The following MBD5 variants were observed in gnomAD, a reference collection of about 807,000 sequenced individuals.
MBD5 encodes methyl-CpG-binding domain protein 5.
MBD5 carries 13 observed loss-of-function variants against 117.3 expected under a neutral mutation model. The ratio of observed to expected loss-of-function variants is 0.11; its 90% CI spans 0.07 to 0.18. MBD5 has a LOEUF of 0.18. MBD5 is among the 10% of genes least tolerant of loss of function. The pLI is 1.00. For missense variants in MBD5, 1,879 were observed against 2,093.8 expected, an observed-to-expected ratio of 0.90 and a Z score of 2.00; for synonymous variants, 727 against 766.4, an observed-to-expected ratio of 0.95 and a Z score of 0.85.
chr2:148,454,274 TA>T, intron 4 of MBD5, among the ~76,000 whole-genome samples: 1 of 152,258 alleles, frequency 6.6e-6, no homozygotes, highest in Non-Finnish European at 1.5e-5. Flanking sequence ...AATTTGGCAA[TA>T]TCTGTAGAGT....
At chr2:148,198,303 GAGTTCT>G (rs1345885395) in intron 2 of MBD5, among the ~76,000 whole-genome samples, 3 of 152,022 alleles carry the variant, frequency 2.0e-5, no homozygotes, top group African/African-American at 7.2e-5. Flanking sequence ...ACAACTACCT[GAGTTCT>G]AATGGTCCCA....
chr2:148,153,265 G>A (rs983206489), intron 1 of MBD5, among the ~76,000 whole-genome samples: 8 of 151,680 alleles, frequency 5.3e-5, no homozygotes, highest in African/African-American at 1.9e-4. Flanking sequence ...TTGAATATTG[G>A]CCCCCACTCT....
At chr2:148,096,480 G>A (rs10173542) in intron 1 of MBD5, among the ~76,000 whole-genome samples, 131,864 of 152,110 alleles carry the variant, frequency 0.87, 57,373 homozygotes, top group East Asian at 0.91. Flanking sequence ...CTCTCATTTT[G>A]AAAATAACAG....
intron 1 of MBD5, among the ~76,000 whole-genome samples, chr2:148,138,726 C>T (rs2105517164): frequency 6.6e-6 from 1 of 152,308 alleles, no homozygotes; most frequent in Admixed American, 6.5e-5. Context: ...TTTGACCTGA[C>T]ATTTGAATGG....
chr2:148,196,845 G>T (rs1699001305), intron 2 of MBD5, among the ~76,000 whole-genome samples: 2 of 148,114 alleles, frequency 1.4e-5, no homozygotes, highest in Admixed American at 6.7e-5. Flanking sequence ...GGTGCCATTT[G>T]CACTGGTGTG....
intron 1 of MBD5, among the ~76,000 whole-genome samples, chr2:148,109,640 A>G (rs1243898147): frequency 6.6e-6 from 1 of 152,190 alleles, no homozygotes; most frequent in African/African-American, 2.4e-5. Context: ...AAAGTATCCA[A>G]GCTCATCAAA....
intron 1 of MBD5, among the ~76,000 whole-genome samples, chr2:148,171,155 A>T (rs1174529782): frequency 6.6e-6 from 1 of 152,226 alleles, no homozygotes; most frequent in Non-Finnish European, 1.5e-5. Flanking sequence ...TTACTCTGAT[A>T]CCAAAGCCAG....
At chr2:148,451,956 C>T (rs1174590365) in intron 4 of MBD5, among the ~76,000 whole-genome samples, 3 of 152,074 alleles carry the variant, frequency 2.0e-5, no homozygotes, top group Non-Finnish European at 4.4e-5. Flanking sequence ...TTGATTCTGT[C>T]CCACTGTGTC....
rs2105622763 is a variant in MBD5, at chr2:148,468,420, T to C, written c.477T>C (p.Ser159=). Residue 159 remains serine (S), a synonymous_variant, in exon 8 of 14, where the codon TCT becomes TCC. Coordinates refer to ENST00000642680, the MANE Select transcript of MBD5 (RefSeq NM_001378120.1). The part of the protein sequence containing the change: ...RNKSHEGITN[S]VMPECKNPFK... ...AGTCTCATGAAGGAATTACAAATTC[T>C]GTAATGCCTGAATGTAAGAATCCTT... The C allele has an allele frequency of 4.3e-6, 7 of 1,613,786 alleles. No homozygotes were observed. Among genetic ancestry groups the C allele is most frequent in the Non-Finnish European group, 5.9e-6 (7 of 1,179,804 alleles).
chr2:148,182,326 TTA>T (rs1698552308), intron 2 of MBD5, among the ~76,000 whole-genome samples: 1 of 152,176 alleles, frequency 6.6e-6, no homozygotes, highest in African/African-American at 2.4e-5. Context: ...ATGTTATGTA[TTA>T]TATGTATAGA....
intron 4 of MBD5, among the ~76,000 whole-genome samples, chr2:148,364,214 T>G (rs1461407840): frequency 1.3e-5 from 2 of 152,208 alleles, no homozygotes; most frequent in Non-Finnish European, 2.9e-5. Context: ...AAAAGAATTT[T>G]CAACCCAGAA....
intron 4 of MBD5, among the ~76,000 whole-genome samples, chr2:148,353,487 T>C (rs1279235365): frequency 6.6e-6 from 1 of 152,106 alleles, no homozygotes; most frequent in Non-Finnish European, 1.5e-5. Context: ...ACATCATATA[T>C]TAACAACACG....
intron 4 of MBD5, among the ~76,000 whole-genome samples, chr2:148,432,589 A>G (rs1706023447): frequency 6.6e-6 from 1 of 152,184 alleles, no homozygotes; most frequent in Non-Finnish European, 1.5e-5. Context: ...GCATATGGCT[A>G]GACAATTATC....
intron 3 of MBD5, among the ~76,000 whole-genome samples, chr2:148,257,642 C>T (rs1371044058): frequency 6.6e-6 from 1 of 152,202 alleles, no homozygotes; most frequent in African/African-American, 2.4e-5. Context: ...GTTAACATAT[C>T]ATCAATATAA....
chr2:148,164,106 T>C (rs1698072335), intron 1 of MBD5, among the ~76,000 whole-genome samples: 1 of 152,222 alleles, frequency 6.6e-6, no homozygotes, highest in African/African-American at 2.4e-5. Flanking sequence ...CCACAAACAG[T>C]CCTACTAGGT....
At chr2:148,462,809 A>T in intron 6 of MBD5, 125 bp downstream of exon 6, 1 of 690,136 alleles carries the variant, frequency 1.4e-6, no homozygotes, top group Non-Finnish European at 2.5e-6. Context: ...TCTTTATCTA[A>T]TTCTCATATT....
intron 3 of MBD5, among the ~76,000 whole-genome samples, chr2:148,256,940 T>G (rs1044229839): frequency 1.3e-5 from 2 of 152,236 alleles, no homozygotes; most frequent in African/African-American, 4.8e-5. Context: ...TGGATGTCTG[T>G]GCCATCCCAG....
chr2:148,424,474 A>C (rs1239321710), intron 4 of MBD5, among the ~76,000 whole-genome samples: 2 of 151,934 alleles, frequency 1.3e-5, no homozygotes, highest in Non-Finnish European at 2.9e-5. Flanking sequence ...AGACAGACCA[A>C]CGAGACAGAA....
chr2:148,351,379 C>T (rs950661581), intron 4 of MBD5, among the ~76,000 whole-genome samples: 2 of 151,914 alleles, frequency 1.3e-5, no homozygotes, highest in African/African-American at 2.4e-5. Flanking sequence ...CTTTTGTGAC[C>T]GGCTTGATTT....
Sources: allele counts gnomAD v4.1 joint callset (sites outside exome capture counted in the v4.1 genomes callset), GRCh38; gene constraint gnomAD v4.1.1; transcripts MANE v1.5; gene names NCBI Gene and HGNC (gene_info 2026-07-23, HGNC 2026-07-21).